The following UBE2E3 variants were observed in gnomAD, a reference collection of about 807,000 sequenced individuals.
The protein encoded by UBE2E3 is ubiquitin conjugating enzyme E2 E3.
A neutral mutation model predicts 23.6 loss-of-function variants in UBE2E3; 5 were observed. The observed-to-expected ratio is 0.21, with a 90% CI of 0.11 to 0.44. The LOEUF is 0.44. UBE2E3 is among the 20% of genes least tolerant of loss of function. The pLI is 0.99. For synonymous variants in UBE2E3, 78 were observed against 87.5 expected (o/e 0.89, Z 0.60); for missense variants, 81 against 249.8 (o/e 0.32, Z 4.55).
intron 3 of UBE2E3, among the ~76,000 whole-genome samples, chr2:180,997,630 CAA>C (rs1684866730): frequency 2.0e-5 from 3 of 152,128 alleles, no homozygotes. Flanking sequence ...GGTTGTCTAT[CAA>C]AAGTACCTGC....
At chr2:181,001,083 A>T (rs879533424) in intron 3 of UBE2E3, among the ~76,000 whole-genome samples, 20 of 152,340 alleles carry the variant, frequency 1.3e-4, no homozygotes, top group Non-Finnish European at 2.6e-4. Context: ...ATTGGAAACA[A>T]CTTGGGACAA....
At chr2:180,989,689 G>C (rs946512152) in intron 3 of UBE2E3, among the ~76,000 whole-genome samples, 31 of 152,050 alleles carry the variant, frequency 2.0e-4, no homozygotes, top group Non-Finnish European at 8.8e-5. Context: ...TTTTATTAAG[G>C]ATCTATTAAG....
intron 3 of UBE2E3, among the ~76,000 whole-genome samples, chr2:181,020,217 C>G (rs531836866): frequency 6.7e-6 from 1 of 148,308 alleles, no homozygotes; most frequent in African/African-American, 2.4e-5. Context: ...GGGCCGTGCT[C>G]CCTCTGAAAT....
chr2:181,022,625 T>C (rs559288723), intron 3 of UBE2E3, among the ~76,000 whole-genome samples: 1 of 151,808 alleles, frequency 6.6e-6, no homozygotes, highest in African/African-American at 2.4e-5. Context: ...TTAGAAACAC[T>C]AGATAGCACT....
chr2:180,987,470 G>A, intron 3 of UBE2E3: 1 of 1,479,448 alleles, frequency 6.8e-7, no homozygotes, highest in Non-Finnish European at 9.2e-7. Flanking sequence ...AATATTTTAA[G>A]AGTGTATGTT....
At chr2:181,021,566 TCCTTCCTCCCTCCCTC>T (rs1685684402) in intron 3 of UBE2E3, among the ~76,000 whole-genome samples, 11 of 101,940 alleles carry the variant, frequency 1.1e-4, no homozygotes, top group African/African-American at 2.7e-4. Context: ...CTTCCTTCCT[TCCTTCCTCCCTCCCTC>T]CCTTCCTTCC....
intron 3 of UBE2E3, among the ~76,000 whole-genome samples, chr2:181,008,893 C>T (rs1685231048): frequency 7.2e-6 from 1 of 139,854 alleles, no homozygotes; most frequent in African/African-American, 2.7e-5. Context: ...CAAAGTCAGT[C>T]TTGCAGTATG....
intron 3 of UBE2E3, among the ~76,000 whole-genome samples, chr2:181,023,935 C>CT (rs1685790132): frequency 6.6e-6 from 1 of 152,080 alleles, no homozygotes; most frequent in African/African-American, 2.4e-5. Context: ...TAAGTAGACT[C>CT]TTTATTTCTC....
Position 181,059,600 on chromosome 2 carries a change from A to G in UBE2E3, c.379-1065A>G, listed in dbSNP as rs1311661984. On this transcript the variant is annotated intron_variant, in intron 4 of 5. Transcript: ENST00000410062. ...GAGTATTGTTAATGAAATCTTACACATTTTCTTTTTGGTACTAACTCTTTG... is the reference window on the plus strand; with the variant it reads ...GAGTATTGTTAATGAAATCTTACACGTTTTCTTTTTGGTACTAACTCTTTG... 3.3e-5 allele frequency among the ~76,000 whole-genome samples: 5 copies of G among 151,596 alleles called. 1 individual carries two copies. The highest frequency in any genetic ancestry group is 4.4e-5 in the Non-Finnish European group (3 of 67,752).
chr2:181,033,212 G>T (rs1236660577), intron 3 of UBE2E3, among the ~76,000 whole-genome samples: 1 of 152,118 alleles, frequency 6.6e-6, no homozygotes, highest in South Asian at 2.1e-4. Flanking sequence ...AAAAGAGCCC[G>T]CATTGCCAAG....
intron 3 of UBE2E3, among the ~76,000 whole-genome samples, chr2:180,986,569 C>A (rs1404438381): frequency 6.6e-6 from 1 of 151,940 alleles, no homozygotes; most frequent in South Asian, 2.1e-4. Context: ...TTTAGCTTTA[C>A]GGTGATTGTA....
Position 181,034,177 on chromosome 2 carries a change from G to A in UBE2E3, c.246-23516G>A, listed in dbSNP as rs528850969. Among the ~76,000 whole-genome samples the A allele has an allele frequency of 7.9e-5, 12 of 152,284 alleles. No individual in the cohort carries two copies. In the East Asian group the frequency reaches 1.9e-3, roughly 24 times the overall value. ...TTTGACCCACCAATCCCATTACTGG[G>A]TATATACCCAAAGGATTATAAATCA... On this transcript the variant is annotated intron_variant, in intron 3 of 5. Transcript: ENST00000410062.
intron 3 of UBE2E3, among the ~76,000 whole-genome samples, chr2:181,009,515 A>G (rs1685252508): frequency 1.1e-5 from 1 of 90,272 alleles, no homozygotes; most frequent in Admixed American, 1.0e-4. Context: ...GAAAATATAT[A>G]TTTATACTAG....
At chr2:181,018,057 G>A (rs1685551230) in intron 3 of UBE2E3, among the ~76,000 whole-genome samples, 1 of 151,656 alleles carries the variant, frequency 6.6e-6, no homozygotes, top group Admixed American at 6.6e-5. Context: ...TTTTAACCTA[G>A]CTCTACATTA....
intron 3 of UBE2E3, among the ~76,000 whole-genome samples, chr2:181,025,239 C>T (rs1406236243): frequency 6.6e-6 from 1 of 151,906 alleles, no homozygotes; most frequent in Non-Finnish European, 1.5e-5. Context: ...TAATCATATC[C>T]ACTAGCCTAC....
At chr2:180,997,160 C>G (rs1228740197) in intron 3 of UBE2E3, among the ~76,000 whole-genome samples, 1 of 151,022 alleles carries the variant, frequency 6.6e-6, no homozygotes, top group Non-Finnish European at 1.5e-5. Context: ...AACCTCTTTC[C>G]TTTTCTAAGA....
intron 3 of UBE2E3, among the ~76,000 whole-genome samples, chr2:181,000,229 G>A (rs62180111): frequency 0.22 from 33,001 of 152,110 alleles, 4,162 homozygotes; most frequent in Non-Finnish European, 0.28. Context: ...TATTAAAGTA[G>A]CTTTCTACAA....
intron 3 of UBE2E3, among the ~76,000 whole-genome samples, chr2:181,002,773 A>G (rs1171961146): frequency 1.3e-5 from 2 of 152,176 alleles, no homozygotes; most frequent in Non-Finnish European, 2.9e-5. Context: ...ATTAGCAGAG[A>G]TTTACAATTG....
intron 3 of UBE2E3, among the ~76,000 whole-genome samples, chr2:181,052,293 C>T (rs538935217): frequency 2.0e-5 from 3 of 151,804 alleles, no homozygotes; most frequent in Non-Finnish European, 4.4e-5. Context: ...AGAATACAGT[C>T]GTAGGTTCTT....
Sources: allele counts gnomAD v4.1 joint callset (sites outside exome capture counted in the v4.1 genomes callset), GRCh38; gene constraint gnomAD v4.1.1; transcripts MANE v1.5; gene names NCBI Gene and HGNC (gene_info 2026-07-23, HGNC 2026-07-21).